WDR47: variants seen among roughly 807,000 people sequenced by gnomAD.
The protein encoded by WDR47 is WD repeat domain 47, also known as WD repeat-containing protein 47.
A neutral mutation model predicts 97.2 loss-of-function variants in WDR47; 32 were observed. The ratio of observed to expected loss-of-function variants is 0.33; its 90% CI spans 0.25 to 0.44. The LOEUF (loss-of-function observed/expected upper bound fraction) is 0.44. WDR47 is among the 20% of genes least tolerant of loss of function. WDR47 has a pLI of 1.00. For missense variants in WDR47, 782 were observed against 1,102.3 expected, an observed-to-expected ratio of 0.71 and a Z score of 4.11; for synonymous variants, 375 against 373.5, an observed-to-expected ratio of 1.00 and a Z score of -0.05.
chr1:109,021,261 C>T (rs577185119), intron 2 of WDR47, among the ~76,000 whole-genome samples: 2 of 152,222 alleles, frequency 1.3e-5, no homozygotes, highest in African/African-American at 4.8e-5. Context: ...GGTGCAGTGG[C>T]TCATGTCTGT....
rs114169808 is a variant in WDR47, at chr1:109,017,273, C to T, written c.242+245G>A. 5.6e-3 allele frequency among the ~76,000 whole-genome samples: 845 copies of T among 152,188 alleles called. 3 individuals carry two copies. The highest frequency in any genetic ancestry group is 0.019 in the African/African-American group (806 of 41,518). ...CAAAATTAGCTAGGCTGATGGTACA[C>T]GCCTGTATAGTCCCAGCTACTTGAG... On this transcript the variant is annotated intron_variant, in intron 3 of 14. Coordinates refer to ENST00000369962, the MANE Select transcript of WDR47 (RefSeq NM_001142551.2).
chr1:109,024,902 G>C (rs1358553685), intron 1 of WDR47: 1 of 152,420 alleles, frequency 6.6e-6, no homozygotes, highest in African/African-American at 2.4e-5. Flanking sequence ...TGAAGCAGGA[G>C]GATCGCTTGA....
At chr1:109,022,358 A>G (rs1179705073) in intron 2 of WDR47, among the ~76,000 whole-genome samples, 1 of 152,142 alleles carries the variant, frequency 6.6e-6, no homozygotes, top group East Asian at 1.9e-4. Flanking sequence ...TCTTTTATTT[A>G]TCTTTCTATA....
At chr1:109,038,039 A>G (rs1047696689) in intron 1 of WDR47, among the ~76,000 whole-genome samples, 1 of 151,772 alleles carries the variant, frequency 6.6e-6, no homozygotes, top group Non-Finnish European at 1.5e-5. Flanking sequence ...AGGTCTCACT[A>G]TGTTGCCCAG....
chr1:108,992,419 G>A (rs1315202300), intron 8 of WDR47: 3 of 1,603,616 alleles, frequency 1.9e-6, no homozygotes, highest in East Asian at 4.5e-5. Context: ...AAGCCACGAA[G>A]TATCTGAAAG....
Position 109,013,002 on chromosome 1 carries a change from G to A in WDR47, c.327+839C>T, listed in dbSNP as rs542387173. ...CTATGTTGAAATCCTAACCCCGCAA[G>A]GTAATGGTATTGGAAAAGTAGGGCC... On this transcript the variant is annotated intron_variant, in intron 4 of 14. Coordinates refer to ENST00000369962, the MANE Select transcript of WDR47 (RefSeq NM_001142551.2). Among the ~76,000 whole-genome samples, 3 of 152,270 alleles carry A rather than the reference G, an allele frequency of 2.0e-5. No homozygotes were observed. In the East Asian group the frequency reaches 5.8e-4, roughly 29 times the overall value.
chr1:109,025,430 C>CGG (rs1662142321), intron 1 of WDR47, among the ~76,000 whole-genome samples: 5 of 101,762 alleles, frequency 4.9e-5, no homozygotes, highest in East Asian at 2.8e-4. Flanking sequence ...GACTCTGCCT[C>CGG]AAAAAAAAAA....
chr1:108,990,676 T>C (rs1419128739), intron 9 of WDR47, among the ~76,000 whole-genome samples: 1 of 152,114 alleles, frequency 6.6e-6, no homozygotes, highest in Non-Finnish European at 1.5e-5. Context: ...GTTTATGGGG[T>C]TAAAATCTGA....
At position 108,981,785 on chromosome 1, in the gene WDR47, A is replaced by G. The variant is rs1658363289; in HGVS notation, c.2346T>C (p.Asp782=). The change falls in exon 13 of 15, where the codon GAT becomes GAC. Residue 782 remains aspartate (D), a synonymous_variant. Coordinates refer to ENST00000369962, the MANE Select transcript of WDR47 (RefSeq NM_001142551.2). ...GSQDKTVRFW[D]LRVPSCVRVV... ...CACGAACACAACTTGGTACTCGAAG[A>G]TCCCAAAATCTAACAGTCTTATCTT... 1 of 1,614,034 alleles carries G rather than the reference A, an allele frequency of 6.2e-7. No homozygotes were observed. The highest frequency in any genetic ancestry group is 2.2e-5 in the East Asian group (1 of 44,872).
At chr1:109,010,040 A>T (rs1660918637) in intron 5 of WDR47, among the ~76,000 whole-genome samples, 2 of 152,066 alleles carry the variant, frequency 1.3e-5, no homozygotes, top group Non-Finnish European at 2.9e-5. Context: ...CATAGAAAAA[A>T]AGACTGGTCC....
At position 108,970,569 on chromosome 1, in the gene WDR47, C is replaced by T. The variant is rs972830641; in HGVS notation, c.*861G>A. The T allele has an allele frequency of 3.3e-5, 5 of 152,584 alleles. No individual in the cohort carries two copies. Among genetic ancestry groups the T allele is most frequent in the African/African-American group, 1.2e-4 (5 of 41,442 alleles). The allele number at this position is 152,584 out of a possible 1,614,324, so 9.5% of individuals were successfully genotyped here. A position where few individuals can be genotyped will look rare whatever the true frequency, so the allele number is the denominator to read the frequency against. On this transcript the variant is annotated 3_prime_UTR_variant, in exon 15 of 15. Coordinates refer to ENST00000369962, the MANE Select transcript of WDR47 (RefSeq NM_001142551.2). ...AAATTATCATGCAGACATAGCATTT[C>T]AAGCCATGCTATGGTCTATGTCAAG...
chr1:109,002,525 C>T, intron 6 of WDR47, 123 bp from the exon 7 acceptor site: 4 of 812,980 alleles, frequency 4.9e-6, no homozygotes, highest in Non-Finnish European at 7.1e-6. Flanking sequence ...TCACAAAATA[C>T]TTAATCTATT....
At chr1:109,010,406 A>G (rs1660950090) in intron 5 of WDR47, among the ~76,000 whole-genome samples, 1 of 151,838 alleles carries the variant, frequency 6.6e-6, no homozygotes, top group Non-Finnish European at 1.5e-5. Flanking sequence ...AAATATACAA[A>G]AATTAGCTGA....
chr1:109,002,578 A>T (rs1660299876), intron 6 of WDR47, among the ~76,000 whole-genome samples, 176 bp from the exon 7 acceptor site: 1 of 152,224 alleles, frequency 6.6e-6, no homozygotes, highest in African/African-American at 2.4e-5. Context: ...CAAGTGGATC[A>T]GTTAATTTGC....
chr1:108,970,698 G>A lies in WDR47; in HGVS notation c.*732C>T, dbSNP rs1470893662. ...TGCTTCTACAGTTCAGTTTGGAAGG[G>A]AGGTATCCTGTTGCATTCAAAAAAC... On this transcript the variant is annotated 3_prime_UTR_variant, in exon 15 of 15. Coordinates refer to ENST00000369962, the MANE Select transcript of WDR47 (RefSeq NM_001142551.2). 1 of 152,634 alleles carries A rather than the reference G, an allele frequency of 6.6e-6. No individual in the cohort carries two copies. Among genetic ancestry groups the A allele is most frequent in the Non-Finnish European group, 1.5e-5 (1 of 68,036 alleles). 9.5% of individuals were successfully genotyped at this position (152,634 alleles called of 1,614,324 possible).
intron 11 of WDR47, 125 bp downstream of exon 11, chr1:108,983,157 T>G: frequency 1.9e-6 from 2 of 1,025,772 alleles, no homozygotes; most frequent in Non-Finnish European, 2.6e-6. Flanking sequence ...ATTAGAATTA[T>G]TGAAAAAATT....
At chr1:109,023,773 A>G (rs1307749700) in intron 1 of WDR47, among the ~76,000 whole-genome samples, 2 of 152,168 alleles carry the variant, frequency 1.3e-5, no homozygotes, top group Admixed American at 1.3e-4. Context: ...AAACTTTGTG[A>G]TTTACATGAA....
At chr1:109,020,744 C>T (rs1198779134) in intron 2 of WDR47, among the ~76,000 whole-genome samples, 1 of 152,070 alleles carries the variant, frequency 6.6e-6, no homozygotes. Context: ...ACTAAGCTCC[C>T]TGGGGCTGGA....
At chr1:109,034,357 T>A (rs1662792140) in intron 1 of WDR47, among the ~76,000 whole-genome samples, 1 of 152,186 alleles carries the variant, frequency 6.6e-6, no homozygotes, top group South Asian at 2.1e-4. Flanking sequence ...CAAAAATACT[T>A]GCAAATAAAA....
Sources: gnomAD v4.1 joint callset for allele counts (sites outside exome capture counted in the v4.1 genomes callset) on GRCh38, gnomAD v4.1.1 for gene constraint, MANE v1.5 for transcripts, NCBI Gene and HGNC (gene_info 2026-07-23, HGNC 2026-07-21) for gene names.